Variants in EEPD1 observed in about 807,000 individuals in gnomAD.
EEPD1 encodes endonuclease/exonuclease/phosphatase family domain-containing protein 1.
In EEPD1, 17 loss-of-function variants were observed where a neutral mutation model predicts 46.3. The observed-to-expected ratio is 0.37, with a 90% CI of 0.25 to 0.55. EEPD1 has a LOEUF of 0.55. EEPD1 is among the 20% of genes least tolerant of loss of function. The probability of loss-of-function intolerance (pLI) is 0.83; values close to 1 mark genes in which losing one functional copy is unlikely to be tolerated. For missense variants in EEPD1, 673 were observed against 745.6 expected (o/e 0.90, Z 1.13); for synonymous variants, 313 against 315.6 (o/e 0.99, Z 0.09).
At chr7:36,195,657 A>G (rs903916796) in intron 2 of EEPD1, among the ~76,000 whole-genome samples, 1 of 152,170 alleles carries the variant, frequency 6.6e-6, no homozygotes, top group Non-Finnish European at 1.5e-5. Flanking sequence ...GTTAGATAGG[A>G]GGGATAAGTT....
chr7:36,259,164 T>A (rs1583469495), intron 3 of EEPD1, among the ~76,000 whole-genome samples: 1 of 152,140 alleles, frequency 6.6e-6, no homozygotes, highest in African/African-American at 2.4e-5. Flanking sequence ...TCGCCCTCCG[T>A]GGGCTGCACC....
chr7:36,182,594 G>C (rs1198469694), intron 2 of EEPD1, among the ~76,000 whole-genome samples: 1 of 152,240 alleles, frequency 6.6e-6, no homozygotes. Context: ...CCACTCGCCA[G>C]CGTTTGCCCC....
intron 3 of EEPD1, among the ~76,000 whole-genome samples, chr7:36,280,053 G>A (rs1735500511): frequency 6.6e-6 from 1 of 152,184 alleles, no homozygotes; most frequent in Non-Finnish European, 1.5e-5. Context: ...AGGCGAGGAA[G>A]GAGTTCGAGC....
At chr7:36,255,095 C>G (rs1452967861) in intron 3 of EEPD1, among the ~76,000 whole-genome samples, 1 of 152,158 alleles carries the variant, frequency 6.6e-6, no homozygotes, top group Admixed American at 6.5e-5. Flanking sequence ...GTTGCCTGTT[C>G]ACTCTGATGA....
chr7:36,214,429 G>A (rs533179744), intron 2 of EEPD1, among the ~76,000 whole-genome samples: 13 of 152,346 alleles, frequency 8.5e-5, no homozygotes, highest in South Asian at 8.3e-4. Flanking sequence ...CCCCCAGAGC[G>A]TGCTGTGGCT....
chr7:36,297,782 G>C (rs1787550310), intron 7 of EEPD1, among the ~76,000 whole-genome samples: 1 of 152,178 alleles, frequency 6.6e-6, no homozygotes, highest in African/African-American at 2.4e-5. Context: ...GGGTATGGGG[G>C]TGATTTCACC....
intron 2 of EEPD1, among the ~76,000 whole-genome samples, chr7:36,176,796 C>G (rs1404685825): frequency 6.6e-6 from 1 of 152,094 alleles, no homozygotes; most frequent in Non-Finnish European, 1.5e-5. Flanking sequence ...AGAATAAATC[C>G]TTTACGGTGA....
chr7:36,207,454 C>T (rs914520746), intron 2 of EEPD1, among the ~76,000 whole-genome samples: 2 of 152,124 alleles, frequency 1.3e-5, no homozygotes, highest in African/African-American at 2.4e-5. Flanking sequence ...CCATTTTAGA[C>T]CCCAGACAGG....
chr7:36,262,437 T>C (rs960811387), intron 3 of EEPD1, among the ~76,000 whole-genome samples: 2 of 152,122 alleles, frequency 1.3e-5, no homozygotes, highest in African/African-American at 4.8e-5. Context: ...ATTAAAAACT[T>C]TTAGAGCAGG....
At chr7:36,285,864 G>A (rs1157320420) in intron 5 of EEPD1, among the ~76,000 whole-genome samples, 1 of 152,156 alleles carries the variant, frequency 6.6e-6, no homozygotes, top group African/African-American at 2.4e-5. Context: ...GATGAGGGTG[G>A]GTGTGTGCTC....
chr7:36,226,512 C>T (rs1262672319), intron 2 of EEPD1, among the ~76,000 whole-genome samples: 4 of 152,168 alleles, frequency 2.6e-5, no homozygotes, highest in Non-Finnish European at 2.9e-5. Flanking sequence ...AAAGTGAACA[C>T]TGATAGATCC....
At chr7:36,216,083 G>A (rs907250189) in intron 2 of EEPD1, among the ~76,000 whole-genome samples, 4 of 152,052 alleles carry the variant, frequency 2.6e-5, no homozygotes, top group African/African-American at 9.7e-5. Flanking sequence ...TAAAACCTTT[G>A]GGGCAAAATA....
intron 2 of EEPD1, among the ~76,000 whole-genome samples, chr7:36,199,618 C>T (rs901537246): frequency 6.6e-5 from 10 of 152,318 alleles, no homozygotes; most frequent in African/African-American, 1.7e-4. Flanking sequence ...TGCCTGACTT[C>T]AGGAACCCTT....
chr7:36,272,542 G>A lies in EEPD1; in HGVS notation c.931-8573G>A, dbSNP rs1480728563. On this transcript the variant is annotated intron_variant, in intron 3 of 7. Transcript: ENST00000242108. ...TTTTTTGTGCTCCCTTCGCTTATTT[G>A]TAACCATCTTGCTCAGGAACCATGT... 5.4e-5 allele frequency among the ~76,000 whole-genome samples: 6 copies of A among 110,600 alleles called. No individual in the cohort carries two copies. In the East Asian group the frequency reaches 1.6e-3, roughly 30 times the overall value. 72.6% of individuals were successfully genotyped at this position (110,600 alleles called of 152,430 possible).
chr7:36,206,174 A>G (rs1785813878), intron 2 of EEPD1, among the ~76,000 whole-genome samples: 1 of 151,710 alleles, frequency 6.6e-6, no homozygotes. Context: ...ATAGGATTTT[A>G]TCGTAATAAT....
At chr7:36,224,348 C>T (rs527931512) in intron 2 of EEPD1, among the ~76,000 whole-genome samples, 7 of 152,196 alleles carry the variant, frequency 4.6e-5, no homozygotes, top group African/African-American at 1.7e-4. Flanking sequence ...AGAGATCGAT[C>T]CTTTACACAG....
intron 3 of EEPD1, among the ~76,000 whole-genome samples, chr7:36,276,405 G>A (rs1787183541): frequency 1.3e-5 from 2 of 152,122 alleles, no homozygotes; most frequent in African/African-American, 4.8e-5. Flanking sequence ...TCTTATAACT[G>A]ATTCTGGGAA....
At chr7:36,176,128 G>A (rs1381359608) in intron 2 of EEPD1, among the ~76,000 whole-genome samples, 1 of 152,212 alleles carries the variant, frequency 6.6e-6, no homozygotes, top group Non-Finnish European at 1.5e-5. Context: ...GGAGCCACAA[G>A]CAGATCCACT....
chr7:36,242,588 T>C (rs968794813), intron 3 of EEPD1, among the ~76,000 whole-genome samples: 6 of 151,958 alleles, frequency 3.9e-5, no homozygotes, highest in African/African-American at 1.5e-4. Flanking sequence ...GAGTGACATA[T>C]GATATATTAC....
Sources: allele counts gnomAD v4.1 joint callset (sites outside exome capture counted in the v4.1 genomes callset), GRCh38; gene constraint gnomAD v4.1.1; transcripts MANE v1.5; gene names NCBI Gene and HGNC (gene_info 2026-07-23, HGNC 2026-07-21).